The following ABCC1 variants were observed in gnomAD, a reference collection of about 807,000 sequenced individuals.
ABCC1 encodes multidrug resistance-associated protein 1.
A neutral mutation model predicts 172.9 loss-of-function variants in ABCC1; 83 were observed. The ratio of observed to expected loss-of-function variants is 0.48; its 90% CI spans 0.40 to 0.58. The LOEUF (loss-of-function observed/expected upper bound fraction) is 0.58. Among genes scored for constraint, ABCC1 ranks in the 20% least tolerant of loss-of-function variants. The probability of loss-of-function intolerance (pLI) is 0.00; values close to 1 mark genes in which losing one functional copy is unlikely to be tolerated. For missense variants in ABCC1, 1,817 were observed against 2,002.7 expected (o/e 0.91, Z 1.77); for synonymous variants, 937 against 825.2 (o/e 1.14, Z -2.32).
intron 5 of ABCC1, among the ~76,000 whole-genome samples, chr16:16,032,442 C>T (rs548645518): frequency 6.6e-6 from 1 of 152,180 alleles, no homozygotes; most frequent in African/African-American, 2.4e-5. Flanking sequence ...ACCACAAGCT[C>T]CATACAGGCA....
At chr16:15,979,971 GGAGTGACATTTT>G (rs1827169620) in intron 1 of ABCC1, among the ~76,000 whole-genome samples, 1 of 152,070 alleles carries the variant, frequency 6.6e-6, no homozygotes, top group Non-Finnish European at 1.5e-5. Flanking sequence ...CAGTGAGTGG[GGAGTGACATTTT>G]GAGGGACAGC....
At chr16:16,015,771 C>T (rs2047971391) in intron 4 of ABCC1, among the ~76,000 whole-genome samples, 1 of 152,106 alleles carries the variant, frequency 6.6e-6, no homozygotes, top group Non-Finnish European at 1.5e-5. Context: ...CCCTGGCTTC[C>T]CCTGACTGGG....
At chr16:16,011,830 C>A (rs35694269) in intron 3 of ABCC1, among the ~76,000 whole-genome samples, 18,621 of 151,872 alleles carry the variant, frequency 0.12, 1,519 homozygotes, top group African/African-American at 0.23. Context: ...CCACCACGCC[C>A]GGCTGATTTT....
chr16:15,985,857 G>A (rs1030765115), intron 1 of ABCC1, among the ~76,000 whole-genome samples: 2 of 152,070 alleles, frequency 1.3e-5, no homozygotes, highest in Non-Finnish European at 2.9e-5. Flanking sequence ...TGTTCTTTCC[G>A]GAAGCTTGCA....
Position 16,007,996 on chromosome 16 carries a change from A to G in ABCC1, c.225+4A>G, listed in dbSNP as rs1280974545. On this transcript the variant is annotated splice_donor_region_variant and intron_variant, in intron 2 of 30. Coordinates refer to ENST00000399410, the MANE Select transcript of ABCC1 (RefSeq NM_004996.4). ...ACCTCTCAACAAAACCAAAACTGTA[A>G]GTCACTGGGGGGTTTCGTTGTGGGG... is the stretch of plus-strand genomic sequence containing the variant. 2 of 636,078 alleles carry G rather than the reference A, an allele frequency of 3.1e-6. No individual in the cohort carries two copies. Among genetic ancestry groups the G allele is most frequent in the Non-Finnish European group, 2.5e-6 (1 of 393,120 alleles). 39.4% of individuals were successfully genotyped at this position (636,078 alleles called of 1,614,324 possible).
intron 4 of ABCC1, among the ~76,000 whole-genome samples, chr16:16,015,705 T>C (rs1346819418): frequency 6.6e-6 from 1 of 152,142 alleles, no homozygotes; most frequent in Non-Finnish European, 1.5e-5. Context: ...ACATTTTGGA[T>C]TGGAGACTCG....
intron 10 of ABCC1, among the ~76,000 whole-genome samples, chr16:16,052,215 AT>A (rs201072789): frequency 0.047 from 7,192 of 151,960 alleles, 186 homozygotes; most frequent in Middle Eastern, 0.13. Context: ...AACCAAAAAA[AT>A]TAGCTGGGCA....
intron 1 of ABCC1, among the ~76,000 whole-genome samples, chr16:16,004,964 C>T (rs996572291): frequency 6.6e-6 from 1 of 151,904 alleles, no homozygotes; most frequent in Admixed American, 6.6e-5. Context: ...CGCGCCCAAC[C>T]TAATAACTAG....
intron 1 of ABCC1, among the ~76,000 whole-genome samples, chr16:15,980,225 C>T (rs2046589581): frequency 6.6e-6 from 1 of 152,052 alleles, no homozygotes; most frequent in Non-Finnish European, 1.5e-5. Flanking sequence ...TAAAAATTGG[C>T]CAGGCATGGT....
At chr16:16,034,409 A>G (rs1225031018) in intron 6 of ABCC1, among the ~76,000 whole-genome samples, 1 of 152,128 alleles carries the variant, frequency 6.6e-6, no homozygotes. Flanking sequence ...AAAAAGCATC[A>G]CTGGGACAGT....
intron 4 of ABCC1, among the ~76,000 whole-genome samples, chr16:16,015,019 G>A (rs893140689): frequency 1.3e-5 from 2 of 152,130 alleles, no homozygotes; most frequent in African/African-American, 2.4e-5. Context: ...TCCCCTGGGG[G>A]ACCCTAGGCT....
chr16:15,957,484 A>G (rs1190783867), intron 1 of ABCC1, among the ~76,000 whole-genome samples: 1 of 152,134 alleles, frequency 6.6e-6, no homozygotes, highest in Non-Finnish European at 1.5e-5. Flanking sequence ...GGCTCAATCA[A>G]CATTAGAATT....
At chr16:16,055,272 G>T (rs776340159) in intron 11 of ABCC1, among the ~76,000 whole-genome samples, 2 of 152,008 alleles carry the variant, frequency 1.3e-5, no homozygotes, top group African/African-American at 2.4e-5. Context: ...AAGAAAACAG[G>T]CTGGGTGCGG....
intron 24 of ABCC1, among the ~76,000 whole-genome samples, chr16:16,124,128 G>A (rs2045294886): frequency 6.6e-6 from 1 of 152,114 alleles, no homozygotes. Flanking sequence ...TTACAATGAT[G>A]TTTACTCGTA....
At chr16:16,092,452 C>A (rs1236400787) in intron 19 of ABCC1, among the ~76,000 whole-genome samples, 1 of 152,186 alleles carries the variant, frequency 6.6e-6, no homozygotes, top group Non-Finnish European at 1.5e-5. Context: ...TTTGCTTATT[C>A]TGGACATTTC....
At chr16:16,088,643 A>G (rs2051114020) in intron 18 of ABCC1, among the ~76,000 whole-genome samples, 1 of 152,212 alleles carries the variant, frequency 6.6e-6, no homozygotes, top group Non-Finnish European at 1.5e-5. Flanking sequence ...GACATTTGAA[A>G]ATCGTATTAA....
intron 19 of ABCC1, among the ~76,000 whole-genome samples, chr16:16,091,445 T>G (rs1285089978): frequency 6.7e-6 from 1 of 150,122 alleles, no homozygotes; most frequent in African/African-American, 2.4e-5. Flanking sequence ...TTAAGTGCTT[T>G]GGAGGGGAAA....
chr16:15,950,881 G>T (rs1397446492), intron 1 of ABCC1, among the ~76,000 whole-genome samples: 1 of 152,112 alleles, frequency 6.6e-6, no homozygotes, highest in East Asian at 1.9e-4. Flanking sequence ...CATTTGGAGT[G>T]TTGAAAAGTC....
At chr16:16,120,790 G>A (rs1027008465) in intron 23 of ABCC1, among the ~76,000 whole-genome samples, 2 of 152,068 alleles carry the variant, frequency 1.3e-5, no homozygotes, top group African/African-American at 4.8e-5. Flanking sequence ...CTCTAACAGC[G>A]CTGGGAGGCC....
Sources: allele counts gnomAD v4.1 joint callset (sites outside exome capture counted in the v4.1 genomes callset), GRCh38; gene constraint gnomAD v4.1.1; transcripts MANE v1.5; gene names NCBI Gene and HGNC (gene_info 2026-07-23, HGNC 2026-07-21).